SLC8A1: variants seen among roughly 807,000 people sequenced by gnomAD.
The protein encoded by SLC8A1 is solute carrier family 8 member A1.
SLC8A1 carries 18 observed loss-of-function variants against 68.3 expected under a neutral mutation model. That is an observed-to-expected ratio of 0.26 (90% CI 0.18 to 0.39). SLC8A1 has a LOEUF of 0.39. Ranked by LOEUF, SLC8A1 falls within the 10% of genes least tolerant of loss-of-function variation. The pLI is 1.00. For synonymous variants in SLC8A1, 475 were observed against 415.5 expected (o/e 1.14, Z -1.74); for missense variants, 985 against 1,156.7 (o/e 0.85, Z 2.15).
At chr2:40,404,815 G>A (rs1014041715) in intron 2 of SLC8A1, among the ~76,000 whole-genome samples, 2 of 152,122 alleles carry the variant, frequency 1.3e-5, no homozygotes, top group Non-Finnish European at 2.9e-5. Context: ...CCCCATTGCT[G>A]TTCAAATGAA....
At chr2:40,113,808 G>A (rs1472130183) in exon 8 of SLC8A1, 1 of 152,626 alleles carries the variant, frequency 6.6e-6, no homozygotes, top group Non-Finnish European at 1.5e-5. Context: ...CTTTCTCCTT[G>A]GCCTTCCTGA....
intron 2 of SLC8A1, among the ~76,000 whole-genome samples, chr2:40,363,707 T>C (rs998136603): frequency 2.6e-5 from 4 of 152,118 alleles, no homozygotes; most frequent in African/African-American, 7.2e-5. Context: ...TGCCCCTTTG[T>C]GGCAGGTAAT....
chr2:40,134,869 C>T (rs1266662142), intron 7 of SLC8A1, among the ~76,000 whole-genome samples: 5 of 151,776 alleles, frequency 3.3e-5, no homozygotes, highest in Admixed American at 2.6e-4. Flanking sequence ...TAATAACATT[C>T]AAAAATAAGT....
At chr2:40,182,904 G>A (rs17025474) in intron 2 of SLC8A1, among the ~76,000 whole-genome samples, 2,095 of 152,272 alleles carry the variant, frequency 0.014, 40 homozygotes, top group African/African-American at 0.048. Context: ...GATCAGGAAA[G>A]GATGAAATGG....
At chr2:40,446,686 G>A (rs140148707) in intron 1 of SLC8A1, 4 of 152,188 alleles carry the variant, frequency 2.6e-5, no homozygotes, top group African/African-American at 7.2e-5. Context: ...GGCTTTTGGA[G>A]AGCCTTCCTT....
At chr2:40,233,158 C>T (rs557879578) in intron 2 of SLC8A1, among the ~76,000 whole-genome samples, 1 of 152,026 alleles carries the variant, frequency 6.6e-6, no homozygotes. Context: ...GTTCTAGATC[C>T]CTGAGGAATG....
intron 2 of SLC8A1, among the ~76,000 whole-genome samples, chr2:40,207,051 TTTAA>T (rs2055588428): frequency 6.6e-6 from 1 of 152,120 alleles, no homozygotes. Context: ...TAAAAATCTA[TTTAA>T]TTAAGACCAA....
At chr2:40,387,217 A>T (rs1036956720) in intron 2 of SLC8A1, among the ~76,000 whole-genome samples, 3 of 151,354 alleles carry the variant, frequency 2.0e-5, no homozygotes, top group African/African-American at 7.4e-5. Flanking sequence ...CAGGGTCTAC[A>T]TCTTTACTTG....
chr2:40,418,839 G>A (rs563885059), intron 2 of SLC8A1, among the ~76,000 whole-genome samples: 1 of 152,286 alleles, frequency 6.6e-6, no homozygotes, highest in South Asian at 2.1e-4. Context: ...GGACAGGAGA[G>A]GAGAGAGAGC....
intron 2 of SLC8A1, among the ~76,000 whole-genome samples, chr2:40,217,400 T>A (rs1415049784): frequency 6.6e-6 from 1 of 152,222 alleles, no homozygotes; most frequent in Non-Finnish European, 1.5e-5. Context: ...AGGCTTGTAG[T>A]ATAATTTGAA....
chr2:40,337,071 G>A (rs980106929), intron 2 of SLC8A1, among the ~76,000 whole-genome samples: 1 of 152,092 alleles, frequency 6.6e-6, no homozygotes, highest in Non-Finnish European at 1.5e-5. Context: ...TTCTCAACAT[G>A]GTTGGAAACA....
chr2:40,363,201 A>G (rs1675109781), intron 2 of SLC8A1, among the ~76,000 whole-genome samples: 1 of 152,174 alleles, frequency 6.6e-6, no homozygotes, highest in Non-Finnish European at 1.5e-5. Context: ...TTAAGCTCAG[A>G]GATAAGATTC....
chr2:40,333,740 T>G (rs1178698522), intron 2 of SLC8A1, among the ~76,000 whole-genome samples: 1 of 152,134 alleles, frequency 6.6e-6, no homozygotes, highest in African/African-American at 2.4e-5. Flanking sequence ...TTGGAGTCAG[T>G]AATCATCACA....
At chr2:40,219,513 C>T (rs983447638) in intron 2 of SLC8A1, among the ~76,000 whole-genome samples, 2 of 152,184 alleles carry the variant, frequency 1.3e-5, no homozygotes, top group Non-Finnish European at 2.9e-5. Flanking sequence ...CAGAGAATTT[C>T]AGGGCAAGAG....
chr2:40,407,171 A>T (rs1292641306), intron 2 of SLC8A1, among the ~76,000 whole-genome samples: 1 of 152,078 alleles, frequency 6.6e-6, no homozygotes, highest in Non-Finnish European at 1.5e-5. Flanking sequence ...GGTTCAACAG[A>T]TTCTCCTGCT....
intron 2 of SLC8A1, among the ~76,000 whole-genome samples, chr2:40,368,958 A>G (rs1677127906): frequency 6.6e-6 from 1 of 151,828 alleles, no homozygotes; most frequent in South Asian, 2.1e-4. Context: ...TACTCAATCA[A>G]TTGTGCTGGG....
intron 1 of SLC8A1, among the ~76,000 whole-genome samples, chr2:40,510,517 AC>A (rs1319085701): frequency 6.6e-6 from 1 of 152,188 alleles, no homozygotes; most frequent in Non-Finnish European, 1.5e-5. Context: ...ATTTATGTCA[AC>A]CTTTTACATA....
intron 1 of SLC8A1, among the ~76,000 whole-genome samples, chr2:40,492,955 G>C (rs1426515673): frequency 3.3e-5 from 5 of 151,992 alleles, no homozygotes; most frequent in South Asian, 4.2e-4. Context: ...CAGGGATCTA[G>C]AACTAGAAAT....
chr2:40,190,545 C>A (rs933757543), intron 2 of SLC8A1: 11 of 152,240 alleles, frequency 7.2e-5, no homozygotes, highest in South Asian at 2.1e-4. Flanking sequence ...TAAGTAAAAA[C>A]CGATGCTGAT....
Sources: gnomAD v4.1 joint callset for allele counts (sites outside exome capture counted in the v4.1 genomes callset) on GRCh38, gnomAD v4.1.1 for gene constraint, MANE v1.5 for transcripts, NCBI Gene and HGNC (gene_info 2026-07-23, HGNC 2026-07-21) for gene names.